SDC4: variants seen among roughly 807,000 people sequenced by gnomAD.
The protein encoded by SDC4 is syndecan-4.
SDC4 carries 17 observed loss-of-function variants against 20.5 expected under a neutral mutation model. That is an observed-to-expected ratio of 0.83 (90% CI 0.57 to 1.25). SDC4 has a LOEUF of 1.25. SDC4 is among the 50% of genes most tolerant of loss of function. SDC4 has a pLI of 0.00. For synonymous variants in SDC4, 107 were observed against 105.3 expected (o/e 1.02, Z -0.10); for missense variants, 241 against 252.3 (o/e 0.96, Z 0.30).
chr20:45,334,123 T>C (rs1043592695), intron 2 of SDC4, among the ~76,000 whole-genome samples: 1 of 151,896 alleles, frequency 6.6e-6, no homozygotes, highest in Non-Finnish European at 1.5e-5. Context: ...GCCCCCCGAG[T>C]AGCTGGGACT....
Position 45,327,151 on chromosome 20 carries a change from G to A in SDC4, c.*113C>T, listed in dbSNP as rs1987703602. The stretch of plus-strand genomic sequence containing the variant: ...AACACTTCAAAGGTAATCAGAGCTG[G>A]AGATACTGACAAGTCAGTATTAGGT... On this transcript the variant is annotated 3_prime_UTR_variant, in exon 5 of 5. Coordinates refer to ENST00000372733, the MANE Select transcript of SDC4 (RefSeq NM_002999.4). 4 of 1,053,122 alleles carry A rather than the reference G, an allele frequency of 3.8e-6. No homozygotes were observed. The highest frequency in any genetic ancestry group is 3.1e-4 in the Middle Eastern group (1 of 3,256). The allele number at this position is 1,053,122 out of a possible 1,614,324, so 65.2% of individuals were successfully genotyped here.
At chr20:45,345,867 G>A (rs1398451546) in intron 1 of SDC4, 1 of 152,230 alleles carries the variant, frequency 6.6e-6, no homozygotes, top group East Asian at 1.9e-4. Flanking sequence ...AGGACAGCTG[G>A]GTACTGAGCC....
intron 1 of SDC4, among the ~76,000 whole-genome samples, chr20:45,344,155 G>A (rs1208368584): frequency 1.3e-5 from 2 of 152,216 alleles, no homozygotes; most frequent in East Asian, 3.9e-4. Context: ...CCTTAAAGAG[G>A]AAAAAAGTAC....
At chr20:45,347,533 C>A (rs1988050178) in intron 1 of SDC4, among the ~76,000 whole-genome samples, 1 of 152,124 alleles carries the variant, frequency 6.6e-6, no homozygotes, top group African/African-American at 2.4e-5. Context: ...CTCCCCCCTA[C>A]CCCCTTCACC....
At chr20:45,344,177 CA>C (rs1284341849) in intron 1 of SDC4, among the ~76,000 whole-genome samples, 31 of 152,216 alleles carry the variant, frequency 2.0e-4, no homozygotes, top group Admixed American at 1.8e-3. Flanking sequence ...ACCTGCTCTG[CA>C]GAGGTCTAAA....
At position 45,327,283 on chromosome 20, in the gene SDC4, G is replaced by T. The variant is rs750287547; in HGVS notation, c.578C>A (p.Thr193Asn). The T allele has an allele frequency of 3.7e-6, 6 of 1,614,194 alleles. No homozygotes were observed. In the East Asian group the frequency reaches 8.9e-5, roughly 24 times the overall value. ...CAAGCTTCACGCGTAGAACTCATTG[G>T]TGGGGGCTTTCTTGTAGATGGGTTT... ...GKKPIYKKAP[T>N]NEFYA is the part of the protein sequence containing the mutation. Residue 193 changes from threonine to asparagine, a missense_variant, in exon 5 of 5, where the codon ACC becomes AAC. Coordinates refer to ENST00000372733, the MANE Select transcript of SDC4 (RefSeq NM_002999.4).
At position 45,327,145 on chromosome 20, in the gene SDC4, G is replaced by T; in HGVS notation, c.*119C>A. On this transcript the variant is annotated 3_prime_UTR_variant, in exon 5 of 5. Coordinates refer to ENST00000372733, the MANE Select transcript of SDC4 (RefSeq NM_002999.4). The stretch of plus-strand genomic sequence containing the variant: ...CTTCTGAACACTTCAAAGGTAATCA[G>T]AGCTGGAGATACTGACAAGTCAGTA... 1 of 1,032,210 alleles carries T rather than the reference G, an allele frequency of 9.7e-7. No homozygotes were observed. The highest frequency in any genetic ancestry group is 1.5e-5 in the South Asian group (1 of 66,092). The allele number at this position is 1,032,210 out of a possible 1,614,324, so 63.9% of individuals were successfully genotyped here.
At chr20:45,334,712 C>T (rs1249661333) in intron 2 of SDC4, among the ~76,000 whole-genome samples, 2 of 151,994 alleles carry the variant, frequency 1.3e-5, no homozygotes, top group Non-Finnish European at 2.9e-5. Context: ...TGGTCTCAAA[C>T]TCCTGACCTC....
chr20:45,334,360 A>G (rs1987828942), intron 2 of SDC4, among the ~76,000 whole-genome samples: 1 of 152,102 alleles, frequency 6.6e-6, no homozygotes, highest in South Asian at 2.1e-4. Context: ...TCTAACTGCA[A>G]TATTAAAACA....
chr20:45,337,385 G>A (rs942403521), intron 1 of SDC4, among the ~76,000 whole-genome samples: 1 of 152,212 alleles, frequency 6.6e-6, no homozygotes, highest in African/African-American at 2.4e-5. Flanking sequence ...CATAACTGCA[G>A]GAGCTGGGGG....
intron 1 of SDC4, among the ~76,000 whole-genome samples, chr20:45,346,811 C>A (rs1981431): frequency 0.45 from 67,990 of 152,036 alleles, 17,428 homozygotes; most frequent in East Asian, 0.88. Context: ...GCCTTCCAGC[C>A]TAAAATCTCA....
intron 1 of SDC4, among the ~76,000 whole-genome samples, chr20:45,337,996 C>T (rs1987899035): frequency 6.6e-6 from 1 of 152,202 alleles, no homozygotes; most frequent in Non-Finnish European, 1.5e-5. Context: ...GTGCCTGTGG[C>T]TTTGGTTTGG....
chr20:45,348,219 A>T, intron 1 of SDC4, 106 bp downstream of exon 1: 1 of 1,007,830 alleles, frequency 9.9e-7, no homozygotes, highest in Non-Finnish European at 1.5e-6. Context: ...GGTTGGGGGT[A>T]GCGTACCCCC....
At chr20:45,342,881 TCTGGCCGGG>T (rs1987974899) in intron 1 of SDC4, among the ~76,000 whole-genome samples, 1 of 152,168 alleles carries the variant, frequency 6.6e-6, no homozygotes, top group Admixed American at 6.5e-5. Context: ...AAAGCCAAAC[TCTGGCCGGG>T]TTAAGAACCC....
At chr20:45,347,253 G>C (rs949400227) in intron 1 of SDC4, among the ~76,000 whole-genome samples, 8 of 152,166 alleles carry the variant, frequency 5.3e-5, no homozygotes, top group African/African-American at 1.9e-4. Context: ...GGCTTTCAAA[G>C]AAATTAACAT....
At chr20:45,331,497 G>T (rs1182151270) in intron 3 of SDC4, among the ~76,000 whole-genome samples, 1 of 152,142 alleles carries the variant, frequency 6.6e-6, no homozygotes, top group East Asian at 1.9e-4. Context: ...GACCTGCTGG[G>T]CCGCATTCCC....
chr20:45,343,705 A>G (rs1191262000), intron 1 of SDC4, among the ~76,000 whole-genome samples: 2 of 152,160 alleles, frequency 1.3e-5, no homozygotes, highest in Non-Finnish European at 2.9e-5. Context: ...GGGGATGGAG[A>G]AAGCTTTCCA....
chr20:45,344,888 T>G (rs1382913956), intron 1 of SDC4, among the ~76,000 whole-genome samples: 1 of 152,068 alleles, frequency 6.6e-6, no homozygotes, highest in Non-Finnish European at 1.5e-5. Flanking sequence ...AACGCAGAAG[T>G]AGGACCTAAG....
intron 1 of SDC4, among the ~76,000 whole-genome samples, chr20:45,346,968 C>A (rs1191741940): frequency 6.6e-6 from 1 of 152,174 alleles, no homozygotes; most frequent in East Asian, 1.9e-4. Context: ...AACTGTGTGA[C>A]CCTGGGCAAG....
Sources: gnomAD v4.1 joint callset for allele counts (sites outside exome capture counted in the v4.1 genomes callset) on GRCh38, gnomAD v4.1.1 for gene constraint, MANE v1.5 for transcripts, NCBI Gene and HGNC (gene_info 2026-07-23, HGNC 2026-07-21) for gene names.